ITFG1: variants seen among roughly 807,000 people sequenced by gnomAD.
ITFG1 encodes the protein T-cell immunomodulatory protein.
Under a neutral mutation model 81.8 loss-of-function variants are expected in ITFG1, and 34 were observed. The ratio of observed to expected loss-of-function variants is 0.42; its 90% CI spans 0.32 to 0.55. The LOEUF is 0.55. ITFG1 is among the 20% of genes least tolerant of loss of function. The pLI is 0.17. For missense variants in ITFG1, 672 were observed against 755.4 expected, an observed-to-expected ratio of 0.89 and a Z score of 1.29; for synonymous variants, 285 against 270.6, an observed-to-expected ratio of 1.05 and a Z score of -0.52.
At chr16:47,183,546 G>A (rs1009907433) in intron 14 of ITFG1, among the ~76,000 whole-genome samples, 4 of 152,006 alleles carry the variant, frequency 2.6e-5, no homozygotes, top group African/African-American at 7.2e-5. Flanking sequence ...TCGCACGGCC[G>A]GGTACTCCAA....
At chr16:47,450,495 T>C in intron 5 of ITFG1, 1 of 354,420 alleles carries the variant, frequency 2.8e-6, no homozygotes, top group Non-Finnish European at 5.4e-6. Flanking sequence ...AAAGTGTCTC[T>C]TCAGAATACC....
chr16:47,406,790 C>T (rs897821874), intron 6 of ITFG1, among the ~76,000 whole-genome samples: 4 of 152,024 alleles, frequency 2.6e-5, no homozygotes, highest in African/African-American at 7.3e-5. Context: ...TTGAATATAG[C>T]GACCCTCACT....
intron 12 of ITFG1, among the ~76,000 whole-genome samples, chr16:47,246,476 A>G (rs965237263): frequency 4.6e-5 from 7 of 152,238 alleles, no homozygotes; most frequent in African/African-American, 7.2e-5. Flanking sequence ...ACCCTTGATT[A>G]ATTATCATGC....
intron 8 of ITFG1, among the ~76,000 whole-genome samples, chr16:47,345,913 C>T (rs1221118931): frequency 6.6e-6 from 1 of 152,030 alleles, no homozygotes; most frequent in Non-Finnish European, 1.5e-5. Flanking sequence ...TTAATGGGCA[C>T]GAATAGAGAA....
intron 10 of ITFG1, among the ~76,000 whole-genome samples, chr16:47,298,452 T>G (rs899120766): frequency 6.6e-6 from 1 of 152,250 alleles, no homozygotes; most frequent in African/African-American, 2.4e-5. Flanking sequence ...TTCTTGCTTT[T>G]GAATTTACTT....
chr16:47,410,232 TG>T (rs1166446534), intron 6 of ITFG1, among the ~76,000 whole-genome samples: 1 of 152,136 alleles, frequency 6.6e-6, no homozygotes, highest in Non-Finnish European at 1.5e-5. Context: ...TGAGCTGTGA[TG>T]GTGCCCCTGC....
chr16:47,405,357 C>T (rs1404320407), intron 6 of ITFG1, among the ~76,000 whole-genome samples: 1 of 152,100 alleles, frequency 6.6e-6, no homozygotes, highest in Non-Finnish European at 1.5e-5. Flanking sequence ...ACCAGGTGAC[C>T]ACCTAGGGAG....
At chr16:47,406,659 C>T (rs954196258) in intron 6 of ITFG1, among the ~76,000 whole-genome samples, 1 of 152,044 alleles carries the variant, frequency 6.6e-6, no homozygotes, top group Non-Finnish European at 1.5e-5. Flanking sequence ...ATGGAGTTTG[C>T]ATTCTAGTAT....
Position 47,155,630 on chromosome 16 carries a change from T to C in ITFG1, c.*89A>G. 1 of 793,460 alleles carries C rather than the reference T, an allele frequency of 1.3e-6. No homozygotes were observed. The highest frequency in any genetic ancestry group is 2.1e-6 in the Non-Finnish European group (1 of 471,350). 49.2% of individuals were successfully genotyped at this position (793,460 alleles called of 1,614,324 possible). Reference sequence around the variant, plus strand: ...CATGGGATACATCATTTATAAATAATATTTAATCTCCCCTATTTTTTCAAG... The same window carrying C: ...CATGGGATACATCATTTATAAATAACATTTAATCTCCCCTATTTTTTCAAG... On this transcript the variant is annotated 3_prime_UTR_variant, in exon 18 of 18. Coordinates refer to ENST00000320640, the MANE Select transcript of ITFG1 (RefSeq NM_030790.5).
chr16:47,161,530 C>A, intron 16 of ITFG1: 2 of 367,000 alleles, frequency 5.4e-6, no homozygotes, highest in East Asian at 4.0e-5. Context: ...AATTAGTTAA[C>A]CTCCTGTTTT....
At chr16:47,325,680 A>G (rs1420465769) in intron 8 of ITFG1, among the ~76,000 whole-genome samples, 1 of 152,224 alleles carries the variant, frequency 6.6e-6, no homozygotes, top group East Asian at 1.9e-4. Flanking sequence ...CTACCATCAG[A>G]GAATACTATA....
rs745943249 is a variant in ITFG1 at position 47,459,089 on chromosome 16, A to G, written c.281+14T>C. 5 of 1,443,880 alleles carry G rather than the reference A, an allele frequency of 3.5e-6. No homozygotes were observed. The highest frequency in any genetic ancestry group is 4.9e-6 in the Non-Finnish European group (5 of 1,026,648). The allele number at this position is 1,443,880 out of a possible 1,614,324, so 89.4% of individuals were successfully genotyped here. ...TGACTAAAGTTTTATCAAAATAATC[A>G]TATTTGTACTTACTTGAAAGATACC... On this transcript the variant is annotated intron_variant, in intron 2 of 17. Coordinates refer to ENST00000320640, the MANE Select transcript of ITFG1 (RefSeq NM_030790.5).
At chr16:47,417,100 T>C (rs916901738) in intron 6 of ITFG1, among the ~76,000 whole-genome samples, 1 of 152,226 alleles carries the variant, frequency 6.6e-6, no homozygotes, top group Non-Finnish European at 1.5e-5. Flanking sequence ...ATGGCACTTC[T>C]TGTCATCTTT....
intron 8 of ITFG1, 93 bp from the exon 9 acceptor site, chr16:47,313,916 T>G: frequency 1.6e-6 from 1 of 613,104 alleles, no homozygotes; most frequent in Non-Finnish European, 2.7e-6. Context: ...AAAGTCTACA[T>G]CAATCTGGAT....
chr16:47,181,501 T>TG lies in ITFG1; in HGVS notation c.1454-18838dup, dbSNP rs1446791552. Among the ~76,000 whole-genome samples the TG allele has an allele frequency of 9.6e-5, 10 of 103,910 alleles. No individual in the cohort carries two copies. In the South Asian group the frequency reaches 1.1e-3, roughly 11 times the overall value. 68.2% of individuals were successfully genotyped at this position (103,910 alleles called of 152,430 possible). ...CCAGCCGCCCCGTCCGGGAGGGAGG[T>TG]GGGGGGGTCAGCCCCCCCACCCGGC... On this transcript the variant is annotated intron_variant, in intron 14 of 17. Transcript: ENST00000320640.
At chr16:47,200,121 G>A (rs1410177225) in intron 14 of ITFG1, among the ~76,000 whole-genome samples, 1 of 152,178 alleles carries the variant, frequency 6.6e-6, no homozygotes, top group Non-Finnish European at 1.5e-5. Flanking sequence ...CAGGGGGTTG[G>A]GGACCCCTGG....
rs756620079 is a variant in ITFG1, at chr16:47,218,893, T to C, written c.1428A>G (p.Ala476=). Residue 476 remains alanine (A), a synonymous_variant, in exon 14 of 18, where the codon GCA becomes GCG. Transcript: ENST00000320640. ...GPYIMYTTVD[A]NGYLKNGSAG... ...CTGATCCATTTTTCAGATACCCATT[T>C]GCATCTACAGTTGTATACATGATAT... The C allele has an allele frequency of 1.6e-5, 25 of 1,600,158 alleles. No homozygotes were observed. In the East Asian group the frequency reaches 5.7e-4, roughly 36 times the overall value.
rs573303380 is a variant in ITFG1 at position 47,248,911 on chromosome 16, G to A, written c.1330+9721C>T. 6.6e-5 allele frequency among the ~76,000 whole-genome samples: 10 copies of A among 152,274 alleles called. No individual in the cohort carries two copies. In the South Asian group the frequency reaches 2.1e-3, roughly 32 times the overall value. ...ATGCAATTCTAGCCTTCTACTATTT[G>A]TGTTCTTTGCCCCTGTGAGCTTCTT... On this transcript the variant is annotated intron_variant, in intron 12 of 17. Coordinates refer to ENST00000320640, the MANE Select transcript of ITFG1 (RefSeq NM_030790.5).
chr16:47,371,143 G>T (rs942196288), intron 7 of ITFG1, among the ~76,000 whole-genome samples: 1 of 152,154 alleles, frequency 6.6e-6, no homozygotes, highest in Non-Finnish European at 1.5e-5. Flanking sequence ...GAATTATTGT[G>T]TACTAATTTC....
Sources: gnomAD v4.1 joint callset for allele counts (sites outside exome capture counted in the v4.1 genomes callset) on GRCh38, gnomAD v4.1.1 for gene constraint, MANE v1.5 for transcripts, NCBI Gene and HGNC (gene_info 2026-07-23, HGNC 2026-07-21) for gene names.